The following ZBTB20 variants were observed in gnomAD, a reference collection of about 807,000 sequenced individuals.
The protein encoded by ZBTB20 is zinc finger and BTB domain containing 20, also known as zinc finger and BTB domain-containing protein 20.
In ZBTB20, 9 loss-of-function variants were observed where a neutral mutation model predicts 56.9. The observed-to-expected ratio is 0.16, with a 90% confidence interval of 0.10 to 0.28. The LOEUF is 0.28. Ranked by LOEUF, ZBTB20 falls within the 10% of genes least tolerant of loss-of-function variation. The pLI, the probability that ZBTB20 is intolerant of heterozygous loss-of-function variation, is 1.00. For missense variants in ZBTB20, 655 were observed against 1,003.0 expected (o/e 0.65, Z 4.69); for synonymous variants, 417 against 420.7 (o/e 0.99, Z 0.11).
chr3:114,856,606 T>C (rs962404036), intron 4 of ZBTB20, among the ~76,000 whole-genome samples: 7 of 152,154 alleles, frequency 4.6e-5, no homozygotes, highest in Non-Finnish European at 7.4e-5. Flanking sequence ...TAATGAATTA[T>C]TGTGTTCAAG....
At chr3:114,828,238 C>T (rs778868055) in intron 4 of ZBTB20, among the ~76,000 whole-genome samples, 14 of 151,546 alleles carry the variant, frequency 9.2e-5, no homozygotes, top group Admixed American at 4.0e-4. Context: ...TATTGAGCAC[C>T]AAGTAAGTAC....
At chr3:114,680,705 C>T (rs75177588) in intron 6 of ZBTB20, among the ~76,000 whole-genome samples, 1 of 152,276 alleles carries the variant, frequency 6.6e-6, no homozygotes, top group South Asian at 2.1e-4. Flanking sequence ...AACCTTTACA[C>T]ATCAACTAGA....
chr3:114,958,453 A>C (rs1312705457), intron 3 of ZBTB20, among the ~76,000 whole-genome samples: 1 of 152,202 alleles, frequency 6.6e-6, no homozygotes, highest in Non-Finnish European at 1.5e-5. Flanking sequence ...CACAAAATTA[A>C]CACTTGCACT....
At chr3:115,046,308 T>G (rs920509669) in intron 2 of ZBTB20, among the ~76,000 whole-genome samples, 6 of 152,130 alleles carry the variant, frequency 3.9e-5, no homozygotes, top group African/African-American at 1.4e-4. Flanking sequence ...AATCCATCTT[T>G]TGACAGCACT....
intron 3 of ZBTB20, among the ~76,000 whole-genome samples, chr3:114,903,057 GAAGGT>G (rs2075183469): frequency 6.6e-6 from 1 of 152,138 alleles, no homozygotes; most frequent in African/African-American, 2.4e-5. Flanking sequence ...AACACTAAGA[GAAGGT>G]AAGAAGCTAT....
At position 114,731,363 on chromosome 3, in the gene ZBTB20, A is replaced by G. The variant is rs138527620; in HGVS notation, c.-342-37788T>C. 4.6e-3 allele frequency among the ~76,000 whole-genome samples: 698 copies of G among 152,320 alleles called. 4 individuals carry two copies. Among genetic ancestry groups the G allele is most frequent in the South Asian group, 0.029 (141 of 4,818 alleles). On this transcript the variant is annotated intron_variant, in intron 5 of 11. Transcript: ENST00000675478. Reference sequence around the variant, plus strand: ...AGTCTTTTTAAAATATAAAGGCAATATCTTGCATTTATCCATTTAGAAAAT... The same window carrying G: ...AGTCTTTTTAAAATATAAAGGCAATGTCTTGCATTTATCCATTTAGAAAAT...
chr3:114,799,025 G>C (rs115462609), intron 5 of ZBTB20, among the ~76,000 whole-genome samples: 1,751 of 152,012 alleles, frequency 0.012, 16 homozygotes, highest in South Asian at 0.042. Context: ...AAATGGTTCT[G>C]AGTTCTAAAG....
At chr3:114,442,683 C>T (rs909757349) in intron 7 of ZBTB20, among the ~76,000 whole-genome samples, 1 of 152,172 alleles carries the variant, frequency 6.6e-6, no homozygotes, top group African/African-American at 2.4e-5. Flanking sequence ...GCACACCCTG[C>T]TGTCAGTCTC....
intron 7 of ZBTB20, among the ~76,000 whole-genome samples, chr3:114,426,378 C>T (rs1262787368): frequency 1.0e-4 from 15 of 146,056 alleles, no homozygotes; most frequent in Admixed American, 4.1e-4. Flanking sequence ...AAAATTGCCT[C>T]CTCACTCCAA....
At chr3:114,618,238 C>CT (rs111549198) in intron 6 of ZBTB20, among the ~76,000 whole-genome samples, 85,530 of 120,832 alleles carry the variant, frequency 0.71, 30,582 homozygotes, top group East Asian at 0.88. Context: ...TGTTTCTTTC[C>CT]TTTTTTTTTT....
At chr3:114,756,497 A>G (rs2068020421) in intron 5 of ZBTB20, among the ~76,000 whole-genome samples, 1 of 152,196 alleles carries the variant, frequency 6.6e-6, no homozygotes, top group African/African-American at 2.4e-5. Flanking sequence ...AATAAAGTGT[A>G]TATTTCTGAA....
At chr3:114,778,531 G>C (rs1408977434) in intron 5 of ZBTB20, among the ~76,000 whole-genome samples, 1 of 151,994 alleles carries the variant, frequency 6.6e-6, no homozygotes, top group Non-Finnish European at 1.5e-5. Flanking sequence ...ATTCTTCTTA[G>C]CTATATGGCT....
intron 4 of ZBTB20, among the ~76,000 whole-genome samples, chr3:114,882,775 T>C (rs988764045): frequency 6.6e-6 from 1 of 152,138 alleles, no homozygotes; most frequent in Non-Finnish European, 1.5e-5. Flanking sequence ...GCAAGTACAG[T>C]TGAAACTTTT....
chr3:115,100,674 G>A (rs1560572842), intron 1 of ZBTB20: 1 of 152,182 alleles, frequency 6.6e-6, no homozygotes, highest in African/African-American at 2.4e-5. Context: ...GCTCCATTAT[G>A]AGGAATGTAT....
At chr3:114,395,436 A>C (rs1298570610) in intron 7 of ZBTB20, among the ~76,000 whole-genome samples, 1 of 152,158 alleles carries the variant, frequency 6.6e-6, no homozygotes, top group African/African-American at 2.4e-5. Flanking sequence ...AGGTCCCTTA[A>C]AACTCTAATA....
intron 6 of ZBTB20, among the ~76,000 whole-genome samples, chr3:114,555,364 T>C (rs141410874): frequency 1.3e-5 from 2 of 152,196 alleles, no homozygotes; most frequent in African/African-American, 2.4e-5. Flanking sequence ...TAGATAATAG[T>C]GATGGACAGA....
At chr3:114,811,441 C>T (rs929237802) in intron 4 of ZBTB20, among the ~76,000 whole-genome samples, 3 of 152,118 alleles carry the variant, frequency 2.0e-5, no homozygotes, top group African/African-American at 7.2e-5. Flanking sequence ...AACGGATTTA[C>T]AAAATAACTC....
At chr3:114,427,403 T>C (rs1166141223) in intron 7 of ZBTB20, among the ~76,000 whole-genome samples, 4 of 152,220 alleles carry the variant, frequency 2.6e-5, no homozygotes, top group African/African-American at 9.6e-5. Flanking sequence ...GGATCAACTA[T>C]ATAAAAAGAC....
chr3:115,073,730 A>G (rs1347824596), intron 1 of ZBTB20, among the ~76,000 whole-genome samples: 2 of 151,898 alleles, frequency 1.3e-5, no homozygotes, highest in African/African-American at 2.4e-5. Flanking sequence ...ATAAGGAGAT[A>G]TTTATAATAT....
Sources: allele counts gnomAD v4.1 joint callset (sites outside exome capture counted in the v4.1 genomes callset), GRCh38; gene constraint gnomAD v4.1.1; transcripts MANE v1.5; gene names NCBI Gene and HGNC (gene_info 2026-07-23, HGNC 2026-07-21).